ELP2: variants seen among roughly 807,000 people sequenced by gnomAD.
ELP2 encodes elongator complex protein 2.
ELP2 carries 90 observed loss-of-function variants against 119.2 expected under a neutral mutation model. The observed-to-expected ratio is 0.75, with a 90% CI of 0.64 to 0.90. The LOEUF is 0.90. Ranked by LOEUF, ELP2 falls within the 40% of genes least tolerant of loss-of-function variation. The pLI is 0.00. For missense variants in ELP2, 921 were observed against 967.8 expected, an observed-to-expected ratio of 0.95 and a Z score of 0.64; for synonymous variants, 339 against 331.0, an observed-to-expected ratio of 1.02 and a Z score of -0.26.
Position 36,178,554 on chromosome 18 carries a change from C to T in ELP2, c.*3913C>T, listed in dbSNP as rs2091271974. On this transcript the variant is annotated 3_prime_UTR_variant, in exon 22 of 22. Coordinates refer to ENST00000358232, the MANE Select transcript of ELP2 (RefSeq NM_018255.4). ...TTAAGGGACAAAGCAAATTTGAACT[C>T]TGGCTGGATATTTGATGATATTAAG... The T allele has an allele frequency of 6.6e-6, 1 of 152,002 alleles. No individual in the cohort carries two copies. The highest frequency in any genetic ancestry group is 2.1e-4 in the South Asian group (1 of 4,822). 9.4% of individuals were successfully genotyped at this position (152,002 alleles called of 1,614,324 possible). A position where few individuals can be genotyped will look rare whatever the true frequency, so the allele number is the denominator to read the frequency against.
chr18:36,138,917 A>C, intron 5 of ELP2, 45 bp downstream of exon 5: 2 of 1,369,626 alleles, frequency 1.5e-6, no homozygotes, highest in Non-Finnish European at 2.1e-6. Flanking sequence ...GTATATTTGC[A>C]TACTGTCATA....
intron 19 of ELP2, 149 bp downstream of exon 19, chr18:36,167,371 T>C: frequency 1.9e-6 from 1 of 537,948 alleles, no homozygotes; most frequent in Non-Finnish European, 3.0e-6. Context: ...TATGTACATA[T>C]AAAAAAAGAC....
chr18:36,168,297 G>A (rs1453816384), intron 19 of ELP2, among the ~76,000 whole-genome samples: 1 of 152,176 alleles, frequency 6.6e-6, no homozygotes, highest in African/African-American at 2.4e-5. Flanking sequence ...TGGCATTGGT[G>A]TGCCTGTGCT....
intron 19 of ELP2, chr18:36,169,857 C>T (rs2091024290): frequency 1.6e-6 from 1 of 633,506 alleles, no homozygotes; most frequent in South Asian, 1.8e-5. Context: ...AAGGTGAGCT[C>T]TCGGAGACGC....
chr18:36,142,145 G>A (rs1373793642), intron 6 of ELP2, 136 bp from the exon 7 acceptor site: 1 of 755,554 alleles, frequency 1.3e-6, no homozygotes, highest in South Asian at 1.5e-5. Context: ...CCAAAGGAAT[G>A]CTTTTTCTTG....
chr18:36,142,180 A>G, intron 6 of ELP2, 101 bp from the exon 7 acceptor site: 1 of 936,792 alleles, frequency 1.1e-6, no homozygotes, highest in Non-Finnish European at 1.8e-6. Context: ...GTTCTCAGTA[A>G]AAGAGCAACG....
At chr18:36,167,892 G>T (rs578217681) in intron 19 of ELP2, among the ~76,000 whole-genome samples, 1 of 151,994 alleles carries the variant, frequency 6.6e-6, no homozygotes, top group Non-Finnish European at 1.5e-5. Flanking sequence ...TGCCAGGCTG[G>T]TCCCAAACTC....
chr18:36,170,257 T>C, intron 20 of ELP2, 61 bp downstream of exon 20: 2 of 1,591,360 alleles, frequency 1.3e-6, no homozygotes, highest in Middle Eastern at 3.3e-4. Flanking sequence ...TATGTAGCCC[T>C]CATGTCATTT....
chr18:36,140,663 G>T (rs1011306306), intron 5 of ELP2, among the ~76,000 whole-genome samples: 1 of 151,998 alleles, frequency 6.6e-6, no homozygotes, highest in African/African-American at 2.4e-5. Flanking sequence ...CTTTTATTTT[G>T]TTTTAAACAA....
In ELP2 at chr18:36,159,861, C is replaced by A. The variant is rs368529438; in HGVS notation, c.1630+31C>A. 3.7e-6 allele frequency: 6 copies of A among 1,605,656 alleles called. No homozygotes were observed. In the East Asian group the frequency reaches 1.1e-4, roughly 30 times the overall value. Reference sequence around the variant, plus strand: ...ATGTGACAAAGACAATTTAATAAATCGCTAGAACACACAGTATGTTATCTA... The same window carrying A: ...ATGTGACAAAGACAATTTAATAAATAGCTAGAACACACAGTATGTTATCTA... On this transcript the variant is annotated intron_variant, in intron 15 of 21. Coordinates refer to ENST00000358232, the MANE Select transcript of ELP2 (RefSeq NM_018255.4).
Position 36,152,022 on chromosome 18 carries a change from A to G in ELP2, c.1126-2828A>G, listed in dbSNP as rs576992071. ...TTCCTCAGCCTCCCAAAGTGCTGGG[A>G]TTACAGGCCTGAGCCACCATGCCCA... is the stretch of plus-strand genomic sequence containing the variant. On this transcript the variant is annotated intron_variant, in intron 11 of 21. Transcript: ENST00000358232. 4.3e-3 allele frequency among the ~76,000 whole-genome samples: 658 copies of G among 151,590 alleles called. 5 individuals carry two copies. The highest frequency in any genetic ancestry group is 0.015 in the African/African-American group (633 of 41,316).
In ELP2 at chr18:36,146,371, CA is replaced by C; in HGVS notation, c.1116del (p.Val373LeufsTer22). 3.3e-5 allele frequency: 54 copies of C among 1,613,946 alleles called. No individual in the cohort carries two copies. The highest frequency in any genetic ancestry group is 4.5e-5 in the Non-Finnish European group (53 of 1,179,862). ...HGALHLWKQN[T>X]VNPREWTPEI... ...GCGTTGCACCTTTGGAAACAGAATA[CA>C]GTTAACCCAGTAAGAAAAGAGTGTT... On this transcript the variant is annotated frameshift_variant, in exon 11 of 22. Transcript: ENST00000358232. LOFTEE classifies it high-confidence loss of function.
intron 7 of ELP2, 29 bp from the exon 8 acceptor site, chr18:36,142,797 A>T: frequency 1.3e-6 from 2 of 1,490,544 alleles, no homozygotes; most frequent in Non-Finnish European, 1.9e-6. Context: ...ATAATGTTTT[A>T]AAATTAATAC....
intron 18 of ELP2, chr18:36,164,942 T>C (rs2090850725): frequency 7.1e-6 from 3 of 420,174 alleles, no homozygotes; most frequent in Non-Finnish European, 1.3e-5. Context: ...AACATCTGTA[T>C]GTAGGAAGTT....
rs766867700 is a variant in ELP2 at position 36,129,932 on chromosome 18, A to G, written c.-2A>G. 1.9e-6 allele frequency: 3 copies of G among 1,614,176 alleles called. No homozygotes were observed. The highest frequency in any genetic ancestry group is 1.1e-5 in the South Asian group (1 of 91,088). The stretch of plus-strand genomic sequence containing the variant: ...TGTTTGTGCGGCTGACCAGTTGGCG[A>G]CATGGTGGCACCCGTGCTGGAGACT... On this transcript the variant is annotated 5_prime_UTR_variant, in exon 1 of 22. Transcript: ENST00000358232.
intron 1 of ELP2, among the ~76,000 whole-genome samples, chr18:36,130,675 A>G (rs1371884267): frequency 2.0e-5 from 3 of 152,194 alleles, no homozygotes; most frequent in Non-Finnish European, 4.4e-5. Context: ...TTTCCTCACC[A>G]TATTTCTCAA....
At chr18:36,134,679 A>G (rs1400356533) in intron 2 of ELP2, among the ~76,000 whole-genome samples, 2 of 152,192 alleles carry the variant, frequency 1.3e-5, no homozygotes, top group Non-Finnish European at 2.9e-5. Flanking sequence ...AAGGAATTCT[A>G]AGACCAAAAG....
rs1266905814 is a variant in ELP2, at chr18:36,156,576, G to T, written c.1386G>T (p.Arg462=). ...FVSGADEKVL[R]VFSAPRNFVE... Reference sequence around the variant, plus strand: ...CTGGAGCAGATGAAAAAGTTCTTCGGGTTTTTTCTGCACCTCGGAATTTTG... The same window carrying T: ...CTGGAGCAGATGAAAAAGTTCTTCGTGTTTTTTCTGCACCTCGGAATTTTG... The change falls in exon 13 of 22, where the codon CGG becomes CGT. Residue 462 remains arginine, a synonymous_variant. Transcript: ENST00000358232. The T allele has an allele frequency of 1.3e-5, 21 of 1,614,002 alleles. No homozygotes were observed. The highest frequency in any genetic ancestry group is 1.8e-5 in the Non-Finnish European group (21 of 1,179,978).
Position 36,156,537 on chromosome 18 carries a change from G to C in ELP2, c.1347G>C (p.Arg449=), listed in dbSNP as rs760491435. The change falls in exon 13 of 22, where the codon CGG becomes CGC. Residue 449 remains arginine, a synonymous_variant. Transcript: ENST00000358232. ...YDLKCLAMIN[R]FQFVSGADEK... The stretch of plus-strand genomic sequence containing the variant: ...TGAAATGTTTGGCAATGATTAATCG[G>C]TTTCAGTTTGTATCTGGAGCAGATG... The C allele has an allele frequency of 1.3e-5, 21 of 1,614,002 alleles. No homozygotes were observed. Among genetic ancestry groups the C allele is most frequent in the Non-Finnish European group, 1.7e-5 (20 of 1,180,020 alleles).
Sources: allele counts gnomAD v4.1 joint callset (sites outside exome capture counted in the v4.1 genomes callset), GRCh38; gene constraint gnomAD v4.1.1; transcripts MANE v1.5; gene names NCBI Gene and HGNC (gene_info 2026-07-23, HGNC 2026-07-21).